Variants in DAB1 observed in about 807,000 individuals in gnomAD.
DAB1 encodes disabled homolog 1.
DAB1 carries 15 observed loss-of-function variants against 64.6 expected under a neutral mutation model. The observed-to-expected ratio is 0.23, with a 90% CI of 0.16 to 0.36. The LOEUF is 0.36. DAB1 is among the 10% of genes least tolerant of loss of function. DAB1 has a pLI of 1.00. For missense variants in DAB1, 596 were observed against 706.7 expected (o/e 0.84, Z 1.78); for synonymous variants, 235 against 251.9 (o/e 0.93, Z 0.64).
At chr1:57,723,765 CT>C in intron 6 of DAB1, among the ~76,000 whole-genome samples, 1 of 152,092 alleles carries the variant, frequency 6.6e-6, no homozygotes, top group South Asian at 2.1e-4. Context: ...ACCCACATGG[CT>C]TTTTTTTGTT....
At chr1:58,156,464 T>C (rs1019196051) in intron 4 of DAB1, among the ~76,000 whole-genome samples, 1 of 152,202 alleles carries the variant, frequency 6.6e-6, no homozygotes, top group Non-Finnish European at 1.5e-5. Flanking sequence ...CACTCACTTG[T>C]AGACTCAATG....
chr1:57,539,661 G>A (rs979115336), intron 7 of DAB1, among the ~76,000 whole-genome samples: 4 of 152,208 alleles, frequency 2.6e-5, no homozygotes, highest in African/African-American at 7.2e-5. Flanking sequence ...TGCCAAAGGG[G>A]GAAATCTACT....
chr1:58,086,003 G>A (rs1398679256), intron 5 of DAB1, among the ~76,000 whole-genome samples: 8 of 122,014 alleles, frequency 6.6e-5, no homozygotes, highest in Admixed American at 4.0e-4. Context: ...TCGCTCTGTC[G>A]CCCAGGCTGG....
intron 4 of DAB1, chr1:58,228,812 G>A (rs748969767): frequency 2.8e-6 from 2 of 717,572 alleles, no homozygotes; most frequent in Admixed American, 1.9e-5. Flanking sequence ...ACAGGATCCA[G>A]TCCAGGTAGA....
At chr1:58,150,284 T>G (rs1490221509) in intron 5 of DAB1, among the ~76,000 whole-genome samples, 2 of 152,180 alleles carry the variant, frequency 1.3e-5, no homozygotes, top group Non-Finnish European at 2.9e-5. Context: ...GGTCAAGGTC[T>G]TAGACTCACA....
At chr1:57,406,951 A>G (rs915247725) in intron 1 of DAB1, among the ~76,000 whole-genome samples, 4 of 152,264 alleles carry the variant, frequency 2.6e-5, no homozygotes, top group African/African-American at 7.2e-5. Flanking sequence ...AGTGACATGC[A>G]TGATATTTTT....
At chr1:57,562,589 C>T (rs1029771172) in intron 7 of DAB1, among the ~76,000 whole-genome samples, 6 of 152,138 alleles carry the variant, frequency 3.9e-5, no homozygotes, top group Admixed American at 3.3e-4. Context: ...GAATCAGCAT[C>T]CAATATATGG....
At chr1:57,983,116 T>C (rs1646107413) in intron 5 of DAB1, among the ~76,000 whole-genome samples, 3 of 152,158 alleles carry the variant, frequency 2.0e-5, no homozygotes, top group Admixed American at 6.5e-5. Flanking sequence ...GTCATTCCTC[T>C]TTAGGAAGGC....
intron 4 of DAB1, among the ~76,000 whole-genome samples, chr1:58,182,112 C>A (rs1378026906): frequency 6.6e-6 from 1 of 151,956 alleles, no homozygotes; most frequent in East Asian, 1.9e-4. Flanking sequence ...AATAATTCTG[C>A]CTTCCGGCCT....
intron 1 of DAB1, chr1:57,876,543 G>A (rs1340496084): frequency 6.6e-6 from 1 of 152,228 alleles, no homozygotes; most frequent in Non-Finnish European, 1.5e-5. Context: ...GCAGCAGGGT[G>A]TGAAGTCACA....
intron 7 of DAB1, among the ~76,000 whole-genome samples, chr1:57,488,108 T>A (rs547694241): frequency 5.6e-4 from 85 of 152,192 alleles, no homozygotes; most frequent in African/African-American, 1.9e-3. Flanking sequence ...CATTAAAAAA[T>A]TTGTATATTT....
intron 4 of DAB1, among the ~76,000 whole-genome samples, chr1:58,240,261 T>C (rs1660231597): frequency 6.6e-6 from 1 of 152,248 alleles, no homozygotes; most frequent in Admixed American, 6.5e-5. Flanking sequence ...GGTTCTGGCC[T>C]ATAAGGATGT....
chr1:58,486,962 T>A (rs532050233), intron 3 of DAB1, among the ~76,000 whole-genome samples: 2 of 152,144 alleles, frequency 1.3e-5, no homozygotes, highest in Non-Finnish European at 2.9e-5. Context: ...CTGGAAGACA[T>A]AGGAAGAGTC....
chr1:57,498,741 G>A (rs942086318), intron 7 of DAB1, among the ~76,000 whole-genome samples: 1 of 152,188 alleles, frequency 6.6e-6, no homozygotes, highest in African/African-American at 2.4e-5. Flanking sequence ...GAGAGACAAA[G>A]GGAAAATGTT....
At chr1:58,481,052 C>G (rs772858754) in intron 3 of DAB1, 2 of 871,550 alleles carry the variant, frequency 2.3e-6, no homozygotes. Flanking sequence ...TCTGTTTCTT[C>G]GTGATATTTA....
chr1:57,441,417 C>T (rs1166082814), intron 7 of DAB1, among the ~76,000 whole-genome samples: 1 of 150,374 alleles, frequency 6.7e-6, no homozygotes, highest in African/African-American at 2.5e-5. Flanking sequence ...GTGTACTGAC[C>T]TGAACATAGC....
At chr1:58,039,383 T>C (rs1214958137) in intron 5 of DAB1, among the ~76,000 whole-genome samples, 2 of 152,180 alleles carry the variant, frequency 1.3e-5, no homozygotes, top group African/African-American at 4.8e-5. Context: ...ATAAAGGCTC[T>C]TGATCAGGGT....
chr1:58,396,107 G>C (rs904255428), intron 3 of DAB1, among the ~76,000 whole-genome samples: 1 of 151,408 alleles, frequency 6.6e-6, no homozygotes, highest in Admixed American at 6.6e-5. Context: ...AGTATTACCA[G>C]GCGAGAAGAG....
At chr1:57,577,201 C>T (rs1645260779) in intron 7 of DAB1, among the ~76,000 whole-genome samples, 1 of 152,154 alleles carries the variant, frequency 6.6e-6, no homozygotes, top group Non-Finnish European at 1.5e-5. Context: ...CAAGGCAAAT[C>T]CACAAAGTGC....
Sources: allele counts gnomAD v4.1 joint callset (sites outside exome capture counted in the v4.1 genomes callset), GRCh38; gene constraint gnomAD v4.1.1; transcripts MANE v1.5; gene names NCBI Gene and HGNC (gene_info 2026-07-23, HGNC 2026-07-21).